AGAP1: variants seen among roughly 807,000 people sequenced by gnomAD.
The protein encoded by AGAP1 is arf-GAP with GTPase, ANK repeat and PH domain-containing protein 1.
In AGAP1, 29 loss-of-function variants were observed where a neutral mutation model predicts 105.3. The observed-to-expected ratio is 0.28, with a 90% CI of 0.21 to 0.38. The LOEUF (loss-of-function observed/expected upper bound fraction) is 0.38. AGAP1 is among the 10% of genes least tolerant of loss of function. The probability of loss-of-function intolerance (pLI) is 1.00; values close to 1 mark genes in which losing one functional copy is unlikely to be tolerated. For missense variants in AGAP1, 998 were observed against 1,165.1 expected (o/e 0.86, Z 2.09); for synonymous variants, 509 against 485.9 (o/e 1.05, Z -0.63).
At chr2:235,969,257 C>CT (rs910766117) in intron 13 of AGAP1, among the ~76,000 whole-genome samples, 227 of 146,716 alleles carry the variant, frequency 1.5e-3, no homozygotes, top group Admixed American at 3.4e-3. Flanking sequence ...AATGAATTCC[C>CT]TTTTTTTTTT....
intron 2 of AGAP1, among the ~76,000 whole-genome samples, chr2:235,709,619 T>C (rs113009355): frequency 2.7e-4 from 41 of 152,234 alleles, no homozygotes; most frequent in African/African-American, 9.1e-4. Flanking sequence ...TGGATTGATT[T>C]GTTCTTTGCA....
At chr2:235,749,603 C>T (rs192462638) in intron 5 of AGAP1, among the ~76,000 whole-genome samples, 1 of 152,144 alleles carries the variant, frequency 6.6e-6, no homozygotes, top group East Asian at 2.0e-4. Context: ...TCATATACAC[C>T]AGCTGTCCTG....
At chr2:235,991,794 A>G (rs979510807) in intron 13 of AGAP1, among the ~76,000 whole-genome samples, 1 of 152,188 alleles carries the variant, frequency 6.6e-6, no homozygotes, top group Non-Finnish European at 1.5e-5. Context: ...TTTTGCTGAA[A>G]TATTTCTTGT....
chr2:235,567,682 G>T (rs1249072370), intron 1 of AGAP1, among the ~76,000 whole-genome samples: 93 of 148,166 alleles, frequency 6.3e-4, no homozygotes, highest in Non-Finnish European at 1.6e-4. Flanking sequence ...GAGTGGTGGG[G>T]AGAAGGGGCT....
In AGAP1 at chr2:235,655,345, C is replaced by T. The variant is rs1225783001; in HGVS notation, c.164-53834C>T. Among the ~76,000 whole-genome samples the T allele has an allele frequency of 6.6e-6, 1 of 152,064 alleles. No homozygotes were observed. The highest frequency in any genetic ancestry group is 6.6e-5 in the Admixed American group (1 of 15,248). On this transcript the variant is annotated intron_variant, in intron 1 of 17. Transcript: ENST00000304032. The surrounding 1 kb of genome is among the most constrained non-coding windows in gnomAD (Gnocchi z 4.3). ...TAATAAATTGAGTAGGTGAAAAAGACAATAGATGGAAAGCTGGAAAGTGAT... is the reference window on the plus strand; with the variant it reads ...TAATAAATTGAGTAGGTGAAAAAGATAATAGATGGAAAGCTGGAAAGTGAT...
intron 16 of AGAP1, among the ~76,000 whole-genome samples, chr2:236,069,498 A>T (rs1428695628): frequency 6.6e-6 from 1 of 152,184 alleles, no homozygotes; most frequent in Non-Finnish European, 1.5e-5. Flanking sequence ...ACCTCGGCTC[A>T]CTGCAACCTC....
In AGAP1 at chr2:235,957,837, C is replaced by T. The variant is rs1293825416; in HGVS notation, c.1484-10625C>T. Among the ~76,000 whole-genome samples, 1 of 152,206 alleles carries T rather than the reference C, an allele frequency of 6.6e-6. No individual in the cohort carries two copies. ...CTACAACGACTTCATCTTGAGTTCA[C>T]AGGGGGCTTCAGCCCTCAACTGATT... On this transcript the variant is annotated intron_variant, in intron 12 of 17. Coordinates refer to ENST00000304032, the MANE Select transcript of AGAP1 (RefSeq NM_001037131.3). The surrounding 1 kb of genome is among the most constrained non-coding windows in gnomAD (Gnocchi z 4.6).
Position 235,981,603 on chromosome 2 carries a change from G to C in AGAP1, c.1645+12980G>C, listed in dbSNP as rs1235883824. Among the ~76,000 whole-genome samples, 3 of 152,122 alleles carry C rather than the reference G, an allele frequency of 2.0e-5. No homozygotes were observed. Among genetic ancestry groups the C allele is most frequent in the African/African-American group, 7.2e-5 (3 of 41,436 alleles). Reference sequence around the variant, plus strand: ...GAAACTCAGAGTTGACAATCTATTAGCAATAATATCACTATCAATTATTGA... The same window carrying C: ...GAAACTCAGAGTTGACAATCTATTACCAATAATATCACTATCAATTATTGA... On this transcript the variant is annotated intron_variant, in intron 13 of 17. Transcript: ENST00000304032. This position sits in a 1 kb window ranked among gnomAD's most constrained non-coding sequence, Gnocchi z 5.5.
rs1030314212 is a variant in AGAP1 at position 236,096,297 on chromosome 2, C to A, written c.2115-23895C>A. Among the ~76,000 whole-genome samples, 2 of 152,046 alleles carry A rather than the reference C, an allele frequency of 1.3e-5. No individual in the cohort carries two copies. Among genetic ancestry groups the A allele is most frequent in the Non-Finnish European group, 2.9e-5 (2 of 68,024 alleles). On this transcript the variant is annotated intron_variant, in intron 16 of 17. Transcript: ENST00000304032. The surrounding 1 kb of genome is among the most constrained non-coding windows in gnomAD (Gnocchi z 4.4). ...GGGGGAATCCCTGAGGTTAGAAGTT[C>A]GAGACCAGCCTGGCCAACATAGTGA...
At chr2:235,726,794 A>G in intron 3 of AGAP1, among the ~76,000 whole-genome samples, 1 of 152,202 alleles carries the variant, frequency 6.6e-6, no homozygotes, top group East Asian at 1.9e-4. Context: ...GCTAAAATAG[A>G]AAGGCAGGGA....
chr2:235,711,605 G>A (rs1379340367), intron 2 of AGAP1, among the ~76,000 whole-genome samples: 2 of 152,212 alleles, frequency 1.3e-5, no homozygotes, highest in Non-Finnish European at 2.9e-5. Context: ...TGGCCTGAGT[G>A]TGGATGGACG....
rs2058100802 is a variant in AGAP1, at chr2:236,058,303, G to A, written c.2114+9022G>A. The stretch of plus-strand genomic sequence containing the variant: ...TGTTTTCTTCCTTTACCAGACTGTT[G>A]TCTGGCTTAGCATATCCAGTATATC... On this transcript the variant is annotated intron_variant, in intron 16 of 17. Coordinates refer to ENST00000304032, the MANE Select transcript of AGAP1 (RefSeq NM_001037131.3). This position sits in a 1 kb window ranked among gnomAD's most constrained non-coding sequence, Gnocchi z 4.6. 6.6e-6 allele frequency among the ~76,000 whole-genome samples: 1 copy of A among 152,072 alleles called. No homozygotes were observed. Among genetic ancestry groups the A allele is most frequent in the Non-Finnish European group, 1.5e-5 (1 of 68,030 alleles).
chr2:235,591,655 G>A (rs891090079), intron 1 of AGAP1, among the ~76,000 whole-genome samples: 7 of 152,154 alleles, frequency 4.6e-5, no homozygotes, highest in Non-Finnish European at 8.8e-5. Flanking sequence ...TGTTGGAAGC[G>A]AGGCCTAGTG....
intron 16 of AGAP1, among the ~76,000 whole-genome samples, chr2:236,070,646 A>G (rs1044698991): frequency 3.9e-5 from 6 of 152,250 alleles, no homozygotes; most frequent in African/African-American, 1.4e-4. Flanking sequence ...GTATACTACA[A>G]CGTAAATGCA....
intron 1 of AGAP1, among the ~76,000 whole-genome samples, chr2:235,528,550 A>G (rs1942932461): frequency 6.6e-6 from 1 of 152,062 alleles, no homozygotes. Context: ...AGAGATTGTC[A>G]TTTTCCTTAA....
At chr2:236,029,344 C>T (rs1457157691) in intron 13 of AGAP1, among the ~76,000 whole-genome samples, 2 of 151,210 alleles carry the variant, frequency 1.3e-5, no homozygotes, top group Non-Finnish European at 2.9e-5. Flanking sequence ...GGCGTGATCT[C>T]GGCTCACTGC....
chr2:235,672,113 T>C (rs1370408237), intron 1 of AGAP1, among the ~76,000 whole-genome samples: 1 of 152,056 alleles, frequency 6.6e-6, no homozygotes, highest in Non-Finnish European at 1.5e-5. Context: ...CAGATAAAGG[T>C]AGTTGGAGAG....
At position 235,750,651 on chromosome 2, in the gene AGAP1, A is replaced by G. The variant is rs895067411; in HGVS notation, c.673+163A>G. 6.6e-6 allele frequency among the ~76,000 whole-genome samples: 1 copy of G among 152,200 alleles called. No individual in the cohort carries two copies. The highest frequency in any genetic ancestry group is 1.5e-5 in the Non-Finnish European group (1 of 68,048). On this transcript the variant is annotated intron_variant, in intron 6 of 17. Coordinates refer to ENST00000304032, the MANE Select transcript of AGAP1 (RefSeq NM_001037131.3). This position sits in a 1 kb window ranked among gnomAD's most constrained non-coding sequence, Gnocchi z 5.3. ...TCCATTCCAGAGGCAATTCTCAGGT[A>G]TGTTTCATATAAACAGTGCTGTGTT...
At position 235,845,630 on chromosome 2, in the gene AGAP1, C is replaced by T. The variant is rs1190848450; in HGVS notation, c.1051-37715C>T. Reference sequence around the variant, plus strand: ...CCCCCCCCGATCTGCTTTTTAATTTCTCAGTGTATGTTTTCTGGTATAATC... The same window carrying T: ...CCCCCCCCGATCTGCTTTTTAATTTTTCAGTGTATGTTTTCTGGTATAATC... On this transcript the variant is annotated intron_variant, in intron 9 of 17. Transcript: ENST00000304032. The surrounding 1 kb of genome is among the most constrained non-coding windows in gnomAD (Gnocchi z 4.8). Among the ~76,000 whole-genome samples the T allele has an allele frequency of 6.6e-6, 1 of 151,662 alleles. No homozygotes were observed. Among genetic ancestry groups the T allele is most frequent in the East Asian group, 1.9e-4 (1 of 5,162 alleles).
Sources: gnomAD v4.1 joint callset for allele counts (sites outside exome capture counted in the v4.1 genomes callset) on GRCh38, gnomAD v4.1.1 for gene constraint, Gnocchi (gnomAD v3.1) non-coding constraint, MANE v1.5 for transcripts, NCBI Gene and HGNC (gene_info 2026-07-23, HGNC 2026-07-21) for gene names.